Variants in FGF14 observed in about 807,000 individuals in gnomAD.
FGF14 encodes the protein fibroblast growth factor 14.
A neutral mutation model predicts 25.5 loss-of-function variants in FGF14; 5 were observed. That is an observed-to-expected ratio of 0.20 (90% CI 0.10 to 0.41). FGF14 has a LOEUF of 0.41. FGF14 is among the 10% of genes least tolerant of loss of function. The pLI, the probability that FGF14 is intolerant of heterozygous loss-of-function variation, is 1.00. For missense variants in FGF14, 222 were observed against 320.1 expected (o/e 0.69, Z 2.34); for synonymous variants, 138 against 118.3 (o/e 1.17, Z -1.08).
intron 1 of FGF14, among the ~76,000 whole-genome samples, chr13:102,080,652 A>G (rs1290231242): frequency 6.6e-6 from 1 of 152,200 alleles, no homozygotes; most frequent in African/African-American, 2.4e-5. Flanking sequence ...AGTGATTACA[A>G]CCTAAAAGGA....
intron 1 of FGF14, among the ~76,000 whole-genome samples, chr13:102,115,970 C>T (rs1197669481): frequency 6.6e-6 from 1 of 152,124 alleles, no homozygotes; most frequent in East Asian, 1.9e-4. Context: ...ATTAGCCGGG[C>T]TTGGTGACGC....
intron 1 of FGF14, among the ~76,000 whole-genome samples, chr13:102,331,521 C>T (rs186103892): frequency 2.0e-4 from 31 of 152,290 alleles, no homozygotes; most frequent in African/African-American, 7.2e-4. Context: ...AAACCACCCA[C>T]AATGATGTGA....
chr13:101,933,894 T>C (rs1182557772), intron 1 of FGF14, among the ~76,000 whole-genome samples: 2 of 152,206 alleles, frequency 1.3e-5, no homozygotes, highest in African/African-American at 4.8e-5. Flanking sequence ...TATATATGTG[T>C]GACTGTGTAT....
At chr13:101,948,189 G>C (rs1011053095) in intron 1 of FGF14, among the ~76,000 whole-genome samples, 1 of 152,150 alleles carries the variant, frequency 6.6e-6, no homozygotes, top group Non-Finnish European at 1.5e-5. Context: ...TATCTTTGTA[G>C]GGCATATTAT....
intron 1 of FGF14, among the ~76,000 whole-genome samples, chr13:102,303,537 A>G (rs1404434797): frequency 6.6e-6 from 1 of 152,194 alleles, no homozygotes; most frequent in Non-Finnish European, 1.5e-5. Flanking sequence ...CAAATCTAAC[A>G]TTTATTGGGT....
chr13:102,277,543 T>C (rs1187148701), intron 1 of FGF14, among the ~76,000 whole-genome samples: 1 of 152,210 alleles, frequency 6.6e-6, no homozygotes, highest in Non-Finnish European at 1.5e-5. Flanking sequence ...GGGAGGGACC[T>C]GGAGGAGCTC....
At chr13:102,109,574 G>C (rs2045112068) in intron 1 of FGF14, among the ~76,000 whole-genome samples, 1 of 151,940 alleles carries the variant, frequency 6.6e-6, no homozygotes, top group Admixed American at 6.6e-5. Flanking sequence ...ACTATTTTTT[G>C]TAATTTTTAG....
chr13:102,342,378 G>C (rs1318944251), intron 1 of FGF14, among the ~76,000 whole-genome samples: 2 of 151,972 alleles, frequency 1.3e-5, no homozygotes, highest in African/African-American at 4.8e-5. Flanking sequence ...TTTTTAATTT[G>C]CCATGAAATC....
Position 101,715,650 on chromosome 13 carries a change from C to A in FGF14, c.*7181G>T. 6.2e-7 allele frequency: 1 copy of A among 1,601,308 alleles called. No individual in the cohort carries two copies. Among genetic ancestry groups the A allele is most frequent in the Non-Finnish European group, 8.6e-7 (1 of 1,168,584 alleles). On this transcript the variant is annotated 3_prime_UTR_variant, in exon 5 of 5. Transcript: ENST00000376143. Reference sequence around the variant, plus strand: ...GAAATCTGGCTTGGCTCAGAATATCCTTAACAATTACATGAGAGAGGTCTG... The same window carrying A: ...GAAATCTGGCTTGGCTCAGAATATCATTAACAATTACATGAGAGAGGTCTG...
At chr13:101,849,446 A>G (rs2043634051) in intron 3 of FGF14, among the ~76,000 whole-genome samples, 1 of 152,106 alleles carries the variant, frequency 6.6e-6, no homozygotes. Context: ...CACAAAAAGT[A>G]GGAAGGTCTC....
chr13:102,145,133 G>A (rs1331371543), intron 1 of FGF14, among the ~76,000 whole-genome samples: 1 of 151,986 alleles, frequency 6.6e-6, no homozygotes, highest in Non-Finnish European at 1.5e-5. Context: ...GTTGTTCAAA[G>A]TATTGTGGGT....
chr13:101,945,712 T>A (rs2035759778), intron 1 of FGF14, among the ~76,000 whole-genome samples: 1 of 152,116 alleles, frequency 6.6e-6, no homozygotes, highest in South Asian at 2.1e-4. Flanking sequence ...CATCCCTACC[T>A]CCCACTGCAT....
At chr13:102,021,598 G>A (rs2040654761) in intron 1 of FGF14, among the ~76,000 whole-genome samples, 1 of 151,992 alleles carries the variant, frequency 6.6e-6, no homozygotes, top group African/African-American at 2.4e-5. Context: ...CTAAGGGAAG[G>A]ACAATCAGCA....
chr13:102,252,774 C>G (rs1165349079), intron 1 of FGF14, among the ~76,000 whole-genome samples: 1 of 152,004 alleles, frequency 6.6e-6, no homozygotes, highest in African/African-American at 2.4e-5. Flanking sequence ...CACCCATTAA[C>G]CCAACATCTA....
At chr13:102,274,059 C>G (rs551751642) in intron 1 of FGF14, among the ~76,000 whole-genome samples, 1 of 152,090 alleles carries the variant, frequency 6.6e-6, no homozygotes, top group East Asian at 1.9e-4. Context: ...CAATAGTAGT[C>G]ACCTTGAGGG....
At chr13:102,222,576 G>A (rs930410041) in intron 1 of FGF14, among the ~76,000 whole-genome samples, 2 of 152,164 alleles carry the variant, frequency 1.3e-5, no homozygotes, top group East Asian at 3.9e-4. Flanking sequence ...TCTCTTTTGA[G>A]CTGAAATAAT....
At chr13:102,293,821 A>T (rs1284415354) in intron 1 of FGF14, 1 of 152,220 alleles carries the variant, frequency 6.6e-6, no homozygotes, top group Non-Finnish European at 1.5e-5. Flanking sequence ...GTGTGATTTG[A>T]AGTGCTCTCA....
chr13:102,177,426 A>C (rs896124988), intron 1 of FGF14, among the ~76,000 whole-genome samples: 5 of 152,098 alleles, frequency 3.3e-5, no homozygotes, highest in African/African-American at 9.7e-5. Flanking sequence ...TTTAGATTGT[A>C]AACTCCTCAT....
intron 1 of FGF14, among the ~76,000 whole-genome samples, chr13:102,396,232 C>A (rs901810981): frequency 6.6e-6 from 1 of 152,154 alleles, no homozygotes; most frequent in Admixed American, 6.5e-5. Context: ...TCCACAGTCC[C>A]TCCTGGAGGT....
Sources: gnomAD v4.1 joint callset for allele counts (sites outside exome capture counted in the v4.1 genomes callset) on GRCh38, gnomAD v4.1.1 for gene constraint, MANE v1.5 for transcripts, NCBI Gene and HGNC (gene_info 2026-07-23, HGNC 2026-07-21) for gene names.